WDPCP: variants seen among roughly 807,000 people sequenced by gnomAD.
WDPCP encodes the protein WD repeat containing planar cell polarity effector.
A neutral mutation model predicts 93.1 loss-of-function variants in WDPCP; 71 were observed. The observed-to-expected ratio is 0.76, with a 90% CI of 0.63 to 0.93. The LOEUF is 0.93. Among genes scored for constraint, WDPCP ranks in the 40% least tolerant of loss-of-function variants. WDPCP has a pLI of 0.00. For synonymous variants in WDPCP, 315 were observed against 315.0 expected, an observed-to-expected ratio of 1.00 and a Z score of 0.00; for missense variants, 844 against 887.4, an observed-to-expected ratio of 0.95 and a Z score of 0.62.
intron 15 of WDPCP, 51 bp from the exon 16 acceptor site, chr2:63,153,625 T>C (rs369189249): frequency 2.2e-4 from 297 of 1,362,888 alleles, no homozygotes; most frequent in Non-Finnish European, 3.0e-4. Flanking sequence ...AAAGAAAATT[T>C]TAAGGTTAGG....
At chr2:63,133,196 T>C (rs546748047) in intron 17 of WDPCP, among the ~76,000 whole-genome samples, 23 of 152,150 alleles carry the variant, frequency 1.5e-4, no homozygotes, top group Non-Finnish European at 2.9e-4. Flanking sequence ...TCCCAAGAGA[T>C]CTTTGTGGGG....
At chr2:63,423,009 C>G (rs541216917) in intron 9 of WDPCP, among the ~76,000 whole-genome samples, 1 of 152,188 alleles carries the variant, frequency 6.6e-6, no homozygotes, top group East Asian at 1.9e-4. Context: ...TATGGGTATA[C>G]AAGAAAGTGA....
intron 13 of WDPCP, among the ~76,000 whole-genome samples, chr2:63,312,142 G>A (rs754933573): frequency 5.3e-5 from 8 of 152,074 alleles, no homozygotes; most frequent in Non-Finnish European, 7.4e-5. Flanking sequence ...TGCAGATGAC[G>A]AACAATAGAA....
At chr2:63,319,922 CA>C (rs1686959527) in intron 12 of WDPCP, among the ~76,000 whole-genome samples, 1 of 151,760 alleles carries the variant, frequency 6.6e-6, no homozygotes, top group Non-Finnish European at 1.5e-5. Flanking sequence ...AATTAATTGA[CA>C]AAAAGATAAG....
At chr2:63,452,863 A>T (rs554969102) in intron 6 of WDPCP, among the ~76,000 whole-genome samples, 1 of 152,350 alleles carries the variant, frequency 6.6e-6, no homozygotes, top group African/African-American at 2.4e-5. Flanking sequence ...TATTTAATAA[A>T]TGGTGCTGGG....
intron 13 of WDPCP, among the ~76,000 whole-genome samples, chr2:63,262,539 CAAAAAAA>C (rs5831658): frequency 1.5e-5 from 2 of 130,084 alleles, no homozygotes; most frequent in South Asian, 4.8e-4. Context: ...CCATATAAGC[CAAAAAAA>C]AAAAAAAAAA....
chr2:63,603,721 G>T (rs952103765), intron 3 of WDPCP, among the ~76,000 whole-genome samples: 2 of 143,736 alleles, frequency 1.4e-5, no homozygotes, highest in Non-Finnish European at 3.0e-5. Context: ...GCAGTGGTGC[G>T]ATCTTGGCTC....
intron 17 of WDPCP, among the ~76,000 whole-genome samples, chr2:63,145,596 C>A (rs1445602703): frequency 1.3e-5 from 2 of 152,194 alleles, no homozygotes; most frequent in African/African-American, 4.8e-5. Flanking sequence ...GCCTGTCTCA[C>A]TCCCACCATG....
chr2:63,551,007 T>C (rs1705593708), intron 1 of WDPCP, among the ~76,000 whole-genome samples: 1 of 152,152 alleles, frequency 6.6e-6, no homozygotes, highest in African/African-American at 2.4e-5. Context: ...CGTATAAGTC[T>C]TTTGTCCTCC....
chr2:63,401,815 T>A (rs1694175333), intron 10 of WDPCP, among the ~76,000 whole-genome samples: 1 of 151,664 alleles, frequency 6.6e-6, no homozygotes, highest in Non-Finnish European at 1.5e-5. Flanking sequence ...AAAAAAAAGG[T>A]CAAGAAAACA....
chr2:63,285,063 A>C (rs1683878471), intron 13 of WDPCP, among the ~76,000 whole-genome samples: 1 of 152,260 alleles, frequency 6.6e-6, no homozygotes, highest in Admixed American at 6.5e-5. Flanking sequence ...GGCAAAGAAC[A>C]GATATGATAA....
At chr2:63,746,084 G>A (rs1669792877) in intron 2 of WDPCP, among the ~76,000 whole-genome samples, 1 of 152,150 alleles carries the variant, frequency 6.6e-6, no homozygotes, top group Non-Finnish European at 1.5e-5. Flanking sequence ...CCCAAACAGA[G>A]GGACTGGCTG....
At chr2:63,564,463 A>C (rs923018366) in intron 1 of WDPCP, 1 of 152,132 alleles carries the variant, frequency 6.6e-6, no homozygotes, top group African/African-American at 2.4e-5. Context: ...CTATGGACCC[A>C]GTTTCCTTGA....
At chr2:63,715,673 A>C (rs542653908) in intron 2 of WDPCP, among the ~76,000 whole-genome samples, 1 of 152,376 alleles carries the variant, frequency 6.6e-6, no homozygotes, top group South Asian at 2.1e-4. Flanking sequence ...TATGAAAAGA[A>C]TCTTGCAATT....
chr2:63,467,018 G>T (rs962749608), intron 6 of WDPCP, among the ~76,000 whole-genome samples: 18 of 152,154 alleles, frequency 1.2e-4, no homozygotes, highest in African/African-American at 4.3e-4. Flanking sequence ...TTATTAAAAA[G>T]AAGACCAAGT....
At chr2:63,276,887 A>T (rs1032981564) in intron 13 of WDPCP, among the ~76,000 whole-genome samples, 1 of 152,212 alleles carries the variant, frequency 6.6e-6, no homozygotes, top group African/African-American at 2.4e-5. Flanking sequence ...ACACCTGGGA[A>T]ATTTATCACA....
intron 9 of WDPCP, among the ~76,000 whole-genome samples, chr2:63,414,655 T>C (rs562256676): frequency 3.3e-5 from 5 of 152,266 alleles, no homozygotes; most frequent in Non-Finnish European, 5.9e-5. Flanking sequence ...ATGTTCTCAC[T>C]GATATGTGGG....
intron 15 of WDPCP, among the ~76,000 whole-genome samples, chr2:63,159,299 T>C (rs993090156): frequency 6.6e-6 from 1 of 151,816 alleles, no homozygotes; most frequent in African/African-American, 2.4e-5. Flanking sequence ...ACTAGTTGCC[T>C]AGGCTACCCT....
At chr2:63,423,045 T>A (rs1695991293) in intron 9 of WDPCP, among the ~76,000 whole-genome samples, 1 of 152,228 alleles carries the variant, frequency 6.6e-6, no homozygotes, top group Non-Finnish European at 1.5e-5. Context: ...GTAGTTACTT[T>A]GGAGGACAGG....
Sources: allele counts gnomAD v4.1 joint callset (sites outside exome capture counted in the v4.1 genomes callset), GRCh38; gene constraint gnomAD v4.1.1; transcripts MANE v1.5; gene names NCBI Gene and HGNC (gene_info 2026-07-23, HGNC 2026-07-21).